The following MYLK variants were observed in gnomAD, a reference collection of about 807,000 sequenced individuals.
MYLK encodes myosin light chain kinase.
Under a neutral mutation model 203.4 loss-of-function variants are expected in MYLK, and 106 were observed. The observed-to-expected ratio is 0.52, with a 90% CI of 0.45 to 0.61. The LOEUF (loss-of-function observed/expected upper bound fraction) is 0.61. Among genes scored for constraint, MYLK ranks in the 20% least tolerant of loss-of-function variants. The pLI, the probability that MYLK is intolerant of heterozygous loss-of-function variation, is 0.00. For synonymous variants in MYLK, 867 were observed against 959.5 expected, an observed-to-expected ratio of 0.90 and a Z score of 1.78; for missense variants, 2,072 against 2,442.3, an observed-to-expected ratio of 0.85 and a Z score of 3.20.
At chr3:123,671,418 A>G (rs1469746508) in intron 20 of MYLK, among the ~76,000 whole-genome samples, 1 of 152,222 alleles carries the variant, frequency 6.6e-6, no homozygotes, top group Non-Finnish European at 1.5e-5. Context: ...GTGTGTCCAC[A>G]GTAAAGAAGC....
chr3:123,692,622 G>T, intron 19 of MYLK, 113 bp downstream of exon 19: 1 of 914,826 alleles, frequency 1.1e-6, no homozygotes. Context: ...TTTGGGTAGG[G>T]AGGGCAGTGT....
chr3:123,811,305 G>A (rs1560247624), intron 3 of MYLK, among the ~76,000 whole-genome samples: 1 of 152,130 alleles, frequency 6.6e-6, no homozygotes, highest in Non-Finnish European at 1.5e-5. Context: ...GCAAATGCAG[G>A]GCCAACAGGG....
chr3:123,852,566 G>A lies in MYLK; in HGVS notation c.-126-20896C>T, dbSNP rs532038130. Among the ~76,000 whole-genome samples, 56 of 152,116 alleles carry A rather than the reference G, an allele frequency of 3.7e-4. 1 individual carries two copies. The highest frequency in any genetic ancestry group is 1.0e-3 in the African/African-American group (42 of 41,538). On this transcript the variant is annotated intron_variant, in intron 2 of 33. Coordinates refer to ENST00000360304, the MANE Select transcript of MYLK (RefSeq NM_053025.4). Reference sequence around the variant, plus strand: ...TGATAGTTTGTATTTCTGTGGGATCGGTGGTGATATCCCCTTTATCATTTT... The same window carrying A: ...TGATAGTTTGTATTTCTGTGGGATCAGTGGTGATATCCCCTTTATCATTTT...
chr3:123,631,396 CAAAA>C (rs34937543), intron 29 of MYLK, among the ~76,000 whole-genome samples: 37 of 117,896 alleles, frequency 3.1e-4, no homozygotes, highest in East Asian at 2.4e-3. Flanking sequence ...AACTCAATCT[CAAAA>C]AAAAAAAAAA....
chr3:123,722,084 C>T lies in MYLK; in HGVS notation c.1804+44G>A, dbSNP rs770946919. On this transcript the variant is annotated intron_variant, in intron 13 of 33. Coordinates refer to ENST00000360304, the MANE Select transcript of MYLK (RefSeq NM_053025.4). ...GTGCCCTTCCTCCAAAGCAGAAGTG[C>T]CTGCAGGAAAGGTGCTTCTACCCAG... The T allele has an allele frequency of 1.5e-5, 23 of 1,552,342 alleles. No homozygotes were observed. In the Middle Eastern group the frequency reaches 6.7e-4, roughly 45 times the overall value.
chr3:123,655,946 C>T (rs2059377428), intron 24 of MYLK, among the ~76,000 whole-genome samples: 1 of 152,162 alleles, frequency 6.6e-6, no homozygotes, highest in African/African-American at 2.4e-5. Context: ...TGTTCAGTTA[C>T]CCCAGCCAGG....
At chr3:123,811,414 G>A (rs1161537221) in intron 3 of MYLK, among the ~76,000 whole-genome samples, 2 of 152,136 alleles carry the variant, frequency 1.3e-5, no homozygotes, top group Non-Finnish European at 2.9e-5. Flanking sequence ...AGGGAATTTG[G>A]AATCCTATTG....
chr3:123,836,398 C>A lies in MYLK; in HGVS notation c.-126-4728G>T, dbSNP rs181400000. On this transcript the variant is annotated intron_variant, in intron 2 of 33. Coordinates refer to ENST00000360304, the MANE Select transcript of MYLK (RefSeq NM_053025.4). The stretch of plus-strand genomic sequence containing the variant: ...TTGAAAATACATGTATATTTTTATA[C>A]CCACTTTTTCTTAAATACAAATAAT... 1.2e-4 allele frequency among the ~76,000 whole-genome samples: 19 copies of A among 152,204 alleles called. No individual in the cohort carries two copies. In the East Asian group the frequency reaches 3.7e-3, roughly 29 times the overall value.
intron 3 of MYLK, among the ~76,000 whole-genome samples, chr3:123,810,720 C>T (rs963748670): frequency 2.6e-5 from 4 of 152,278 alleles, no homozygotes; most frequent in Non-Finnish European, 4.4e-5. Context: ...CAGGACTGGC[C>T]GGGAGTCCAG....
intron 17 of MYLK, among the ~76,000 whole-genome samples, 172 bp from the exon 18 acceptor site, chr3:123,701,177 C>T (rs114728686): frequency 8.8e-5 from 13 of 148,420 alleles, no homozygotes; most frequent in African/African-American, 2.0e-4. Context: ...GAGAGGCGCT[C>T]GCTTGCTTAG....
intron 3 of MYLK, among the ~76,000 whole-genome samples, chr3:123,806,086 ATTTTAT>A (rs2109195536): frequency 2.0e-5 from 1 of 50,680 alleles, no homozygotes; most frequent in South Asian, 5.6e-4. Flanking sequence ...TTTTATTTTT[ATTTTAT>A]TTTTTAATTC....
chr3:123,722,491 G>T (rs1277486658), intron 12 of MYLK, among the ~76,000 whole-genome samples: 1 of 152,226 alleles, frequency 6.6e-6, no homozygotes, highest in Non-Finnish European at 1.5e-5. Context: ...GGAGATGAAG[G>T]AAAGGGAGTA....
At chr3:123,616,648 T>C (rs2057511398) in intron 33 of MYLK, 1 of 152,088 alleles carries the variant, frequency 6.6e-6, no homozygotes, top group South Asian at 2.1e-4. Flanking sequence ...TGGGAGGTGT[T>C]TGGGTCATGG....
chr3:123,752,561 T>C (rs367569241), intron 4 of MYLK, 23 bp from the exon 5 acceptor site: 9 of 1,595,218 alleles, frequency 5.6e-6, no homozygotes, highest in Non-Finnish European at 6.8e-6. Flanking sequence ...GAAGAAAGGG[T>C]AAGAGCCTGT....
At chr3:123,743,471 T>A (rs1180170275) in intron 5 of MYLK, among the ~76,000 whole-genome samples, 1 of 152,180 alleles carries the variant, frequency 6.6e-6, no homozygotes, top group East Asian at 1.9e-4. Flanking sequence ...AATTTGAAGT[T>A]GCAAATTGTT....
chr3:123,739,152 G>C, intron 6 of MYLK, 90 bp from the exon 7 acceptor site: 1 of 1,430,754 alleles, frequency 7.0e-7, no homozygotes. Flanking sequence ...CTAAGTTAAG[G>C]TCAGAAGCCA....
At chr3:123,817,972 C>A (rs1334390306) in intron 3 of MYLK, among the ~76,000 whole-genome samples, 1 of 152,102 alleles carries the variant, frequency 6.6e-6, no homozygotes, top group Non-Finnish European at 1.5e-5. Context: ...GTCTAGAGAA[C>A]CTCATTAGGG....
intron 4 of MYLK, among the ~76,000 whole-genome samples, chr3:123,780,752 C>T (rs1408605642): frequency 6.6e-6 from 1 of 152,204 alleles, no homozygotes. Context: ...AAATCCATCC[C>T]TGCTCAGCCA....
chr3:123,697,260 C>T (rs182227895), intron 18 of MYLK, among the ~76,000 whole-genome samples: 9 of 152,214 alleles, frequency 5.9e-5, no homozygotes, highest in Non-Finnish European at 1.0e-4. Flanking sequence ...GAAGTCTTGG[C>T]GAGTGAAGGG....
Sources: gnomAD v4.1 joint callset for allele counts (sites outside exome capture counted in the v4.1 genomes callset) on GRCh38, gnomAD v4.1.1 for gene constraint, MANE v1.5 for transcripts, NCBI Gene and HGNC (gene_info 2026-07-23, HGNC 2026-07-21) for gene names.